Variants in PRKCB observed in about 807,000 individuals in gnomAD.
The protein encoded by PRKCB is protein kinase C beta.
PRKCB carries 13 observed loss-of-function variants against 81.5 expected under a neutral mutation model. The ratio of observed to expected loss-of-function variants is 0.16; its 90% confidence interval spans 0.10 to 0.25. The LOEUF (loss-of-function observed/expected upper bound fraction) is 0.25. PRKCB is among the 10% of genes least tolerant of loss of function. The probability of loss-of-function intolerance (pLI) is 1.00; values close to 1 mark genes in which losing one functional copy is unlikely to be tolerated. For missense variants in PRKCB, 509 were observed against 875.7 expected, an observed-to-expected ratio of 0.58 and a Z score of 5.29; for synonymous variants, 335 against 321.4, an observed-to-expected ratio of 1.04 and a Z score of -0.45.
chr16:24,210,863 C>A (rs556098690), intron 16 of PRKCB, among the ~76,000 whole-genome samples: 2 of 152,284 alleles, frequency 1.3e-5, no homozygotes, highest in African/African-American at 2.4e-5. Context: ...TTCACATTTA[C>A]AGTTACAGTC....
At chr16:24,148,474 T>C (rs1001981265) in intron 9 of PRKCB, among the ~76,000 whole-genome samples, 1 of 152,220 alleles carries the variant, frequency 6.6e-6, no homozygotes, top group African/African-American at 2.4e-5. Context: ...TAATGTTAAC[T>C]GAAAGAATTG....
intron 11 of PRKCB, 116 bp from the exon 12 acceptor site, chr16:24,174,402 T>C (rs1380323232): frequency 3.4e-6 from 3 of 891,448 alleles, no homozygotes; most frequent in East Asian, 2.6e-5. Flanking sequence ...TAGCTGACCA[T>C]CCATGGGTTC....
At chr16:23,908,063 C>T (rs1963589313) in intron 2 of PRKCB, among the ~76,000 whole-genome samples, 1 of 152,050 alleles carries the variant, frequency 6.6e-6, no homozygotes, top group Admixed American at 6.6e-5. Flanking sequence ...GAAAGTCCAT[C>T]TAGACGAGGG....
chr16:23,899,401 A>G (rs536631368), intron 2 of PRKCB, among the ~76,000 whole-genome samples: 1 of 152,192 alleles, frequency 6.6e-6, no homozygotes, highest in Non-Finnish European at 1.5e-5. Flanking sequence ...TCTTGGGAAG[A>G]CATCTCCCCC....
At chr16:24,003,604 C>G (rs781074575) in intron 3 of PRKCB, among the ~76,000 whole-genome samples, 1 of 152,092 alleles carries the variant, frequency 6.6e-6, no homozygotes, top group African/African-American at 2.4e-5. Flanking sequence ...AGGCTGGTCT[C>G]GAACTCCTGA....
chr16:24,027,680 A>G (rs1965498993), intron 3 of PRKCB, among the ~76,000 whole-genome samples: 1 of 152,224 alleles, frequency 6.6e-6, no homozygotes, highest in Non-Finnish European at 1.5e-5. Context: ...TTTGTAGCTC[A>G]TTAACAAGAT....
At chr16:23,848,852 A>C (rs1962422979) in intron 2 of PRKCB, among the ~76,000 whole-genome samples, 1 of 152,244 alleles carries the variant, frequency 6.6e-6, no homozygotes, top group Admixed American at 6.5e-5. Flanking sequence ...TACAGTAAGC[A>C]CTTGATAAAT....
chr16:24,050,816 G>A (rs1965832449), intron 5 of PRKCB, among the ~76,000 whole-genome samples: 1 of 152,112 alleles, frequency 6.6e-6, no homozygotes, highest in Non-Finnish European at 1.5e-5. Context: ...CTTTTGGGGG[G>A]TCTGGGGGTA....
At chr16:24,123,065 G>A (rs1364438089) in intron 8 of PRKCB, among the ~76,000 whole-genome samples, 1 of 152,230 alleles carries the variant, frequency 6.6e-6, no homozygotes, top group Non-Finnish European at 1.5e-5. Context: ...CAATTTATTG[G>A]AAGGAAACAA....
chr16:24,191,123 T>C lies in PRKCB; in HGVS notation c.1756T>C (p.Cys586Arg), dbSNP rs1967785614. ...CAAACACCCAGGCAAACGTCTGGGT[T>C]GTGGACCTGAAGGCGAACGTGATAT... is the stretch of plus-strand genomic sequence containing the variant. ...MTKHPGKRLG[C>R]GPEGERDIKE... The change falls in exon 16 of 17, where the codon TGT (cysteine) becomes CGT (arginine). Residue 586 changes from cysteine to arginine, a missense_variant. Transcript: ENST00000643927. The C allele has an allele frequency of 6.2e-7, 1 of 1,613,984 alleles. No individual in the cohort carries two copies. The highest frequency in any genetic ancestry group is 8.5e-7 in the Non-Finnish European group (1 of 1,180,000).
At chr16:24,099,471 T>C (rs756150955) in intron 7 of PRKCB, 1 of 152,226 alleles carries the variant, frequency 6.6e-6, no homozygotes, top group Non-Finnish European at 1.5e-5. Flanking sequence ...TAAGTGGTCC[T>C]GAGGTGGTTA....
chr16:24,070,233 C>T (rs1966090968), intron 5 of PRKCB, among the ~76,000 whole-genome samples: 2 of 151,372 alleles, frequency 1.3e-5, no homozygotes, highest in South Asian at 4.2e-4. Context: ...ACTGCAACCT[C>T]TGCCTCCTGG....
chr16:24,019,053 C>T (rs564861637), intron 3 of PRKCB, among the ~76,000 whole-genome samples: 15 of 152,012 alleles, frequency 9.9e-5, no homozygotes, highest in Admixed American at 2.6e-4. Flanking sequence ...CCAGATAAAC[C>T]CTAAAATATT....
rs766717237 is a variant in PRKCB at position 24,061,906 on chromosome 16, T to TA, written c.529+26362dup. ...TCCCCCACTCCCCCTGCACCTTAAA[T>TA]AAATAAAAAAAAAAAAAAAAAAAAA... is the stretch of plus-strand genomic sequence containing the variant. On this transcript the variant is annotated intron_variant, in intron 5 of 16. Transcript: ENST00000643927. 9.9e-3 allele frequency among the ~76,000 whole-genome samples: 453 copies of TA among 45,972 alleles called. No homozygotes were observed. In the East Asian group the frequency reaches 0.17, roughly 17 times the overall value. The allele number at this position is 45,972 out of a possible 152,430, so 30.2% of individuals were successfully genotyped here.
intron 3 of PRKCB, among the ~76,000 whole-genome samples, chr16:24,025,589 G>A (rs1362075470): frequency 6.6e-6 from 1 of 152,200 alleles, no homozygotes; most frequent in Non-Finnish European, 1.5e-5. Context: ...ATGCAATTAA[G>A]CGTGCATTTA....
chr16:24,001,392 C>G (rs1236264741), intron 3 of PRKCB, among the ~76,000 whole-genome samples: 1 of 152,090 alleles, frequency 6.6e-6, no homozygotes, highest in Non-Finnish European at 1.5e-5. Flanking sequence ...TAATGTTGAC[C>G]TTATCCTTTT....
intron 16 of PRKCB, among the ~76,000 whole-genome samples, chr16:24,201,880 C>T (rs1039517709): frequency 6.6e-6 from 1 of 151,804 alleles, no homozygotes; most frequent in Non-Finnish European, 1.5e-5. Context: ...CTAAAAAATA[C>T]AAAAAATTAG....
intron 2 of PRKCB, 135 bp from the exon 3 acceptor site, chr16:23,988,373 T>C (rs1409598590): frequency 3.1e-6 from 2 of 644,862 alleles, no homozygotes; most frequent in Non-Finnish European, 5.4e-6. Context: ...GAAGCTGACA[T>C]TATTGTTTAT....
At chr16:23,958,531 C>T (rs1243517322) in intron 2 of PRKCB, among the ~76,000 whole-genome samples, 2 of 150,994 alleles carry the variant, frequency 1.3e-5, no homozygotes, top group African/African-American at 4.9e-5. Flanking sequence ...TCTCGAACTC[C>T]TGACCTCGTG....
Sources: allele counts gnomAD v4.1 joint callset (sites outside exome capture counted in the v4.1 genomes callset), GRCh38; gene constraint gnomAD v4.1.1; transcripts MANE v1.5; gene names NCBI Gene and HGNC (gene_info 2026-07-23, HGNC 2026-07-21).